Variants in TBCK observed in about 807,000 individuals in gnomAD.
TBCK encodes TBC domain-containing protein kinase-like protein.
A neutral mutation model predicts 113.4 loss-of-function variants in TBCK; 99 were observed. The ratio of observed to expected loss-of-function variants is 0.87; its 90% CI spans 0.74 to 1.03. The LOEUF is 1.03. Among genes scored for constraint, TBCK ranks in the 50% least tolerant of loss-of-function variants. The pLI is 0.00. For missense variants in TBCK, 1,045 were observed against 1,061.3 expected (o/e 0.98, Z 0.21); for synonymous variants, 369 against 370.8 (o/e 1.00, Z 0.05).
chr4:106,266,271 ATG>A (rs1762984177), intron 3 of TBCK, among the ~76,000 whole-genome samples: 1 of 151,824 alleles, frequency 6.6e-6, no homozygotes, highest in African/African-American at 2.4e-5. Flanking sequence ...ACCTAGTTTT[ATG>A]AACTCATTTG....
chr4:106,064,676 T>C (rs1301992360), intron 25 of TBCK, among the ~76,000 whole-genome samples: 1 of 151,992 alleles, frequency 6.6e-6, no homozygotes, highest in Non-Finnish European at 1.5e-5. Context: ...ATTATCTAGA[T>C]ATAGTTAATA....
chr4:106,237,535 G>T (rs1311698989), intron 12 of TBCK: 1 of 455,722 alleles, frequency 2.2e-6, no homozygotes. Context: ...CAGAATGTCT[G>T]CTCCTATGGG....
chr4:106,046,540 C>CTAAG lies in TBCK; in HGVS notation c.*26_*29dup. On this transcript the variant is annotated 3_prime_UTR_variant, in exon 26 of 26. Transcript: ENST00000394708. ...CTGTGCTGTTGGTGCTGATGCCACA[C>CTAAG]TAAGTTTTGGCAGTCACACTCTTGG... The CTAAG allele has an allele frequency of 2.4e-6, 3 of 1,257,440 alleles. No individual in the cohort carries two copies. Among genetic ancestry groups the CTAAG allele is most frequent in the Non-Finnish European group, 3.5e-6 (3 of 857,354 alleles). The allele number at this position is 1,257,440 out of a possible 1,614,324, so 77.9% of individuals were successfully genotyped here. A position where few individuals can be genotyped will look rare whatever the true frequency, so the allele number is the denominator to read the frequency against.
At chr4:106,249,387 A>G (rs192663704) in intron 7 of TBCK, among the ~76,000 whole-genome samples, 84 of 152,252 alleles carry the variant, frequency 5.5e-4, no homozygotes, top group Middle Eastern at 3.4e-3. Context: ...AAAATACAGT[A>G]TTTGTGGATG....
chr4:106,082,907 A>G (rs894710550), intron 25 of TBCK, among the ~76,000 whole-genome samples: 1 of 152,230 alleles, frequency 6.6e-6, no homozygotes, highest in Non-Finnish European at 1.5e-5. Context: ...GAGTGAGCAC[A>G]CTACCCAGCC....
intron 20 of TBCK, 107 bp from the exon 21 acceptor site, chr4:106,194,861 T>C: frequency 2.9e-6 from 3 of 1,029,844 alleles, no homozygotes; most frequent in South Asian, 1.6e-5. Context: ...TATGTTTTGG[T>C]CTACTTTATT....
At position 106,272,574 on chromosome 4, in the gene TBCK, C is replaced by T. The variant is rs1450723841; in HGVS notation, c.267-10362G>A. The stretch of plus-strand genomic sequence containing the variant: ...AGGTGCGATCTTGGCTCACTGCAAG[C>T]TCCGTCTCCCAGGTTCATGCCATTC... On this transcript the variant is annotated intron_variant, in intron 3 of 25. Transcript: ENST00000394708. 3.3e-5 allele frequency among the ~76,000 whole-genome samples: 5 copies of T among 149,592 alleles called. No homozygotes were observed. The East Asian group carries it at 9.9e-4, about 30-fold the overall frequency.
intron 18 of TBCK, among the ~76,000 whole-genome samples, chr4:106,231,144 T>G (rs1183997227): frequency 6.6e-6 from 1 of 151,614 alleles, no homozygotes; most frequent in African/African-American, 2.4e-5. Flanking sequence ...ACTCTATATG[T>G]GATTTCAGGG....
chr4:106,179,930 G>C (rs1161243029), intron 22 of TBCK, among the ~76,000 whole-genome samples: 3 of 151,360 alleles, frequency 2.0e-5, no homozygotes, highest in Non-Finnish European at 4.4e-5. Context: ...GAGTTGGTTG[G>C]GTGTATATAT....
intron 22 of TBCK, among the ~76,000 whole-genome samples, chr4:106,190,801 C>T (rs1310927798): frequency 9.2e-5 from 14 of 151,966 alleles, no homozygotes; most frequent in Non-Finnish European, 1.5e-5. Flanking sequence ...AGTGCAGAGG[C>T]GCCATGTCGG....
At chr4:106,214,881 C>T (rs13121001) in intron 19 of TBCK, among the ~76,000 whole-genome samples, 90,435 of 151,582 alleles carry the variant, frequency 0.6, 27,267 homozygotes, top group Non-Finnish European at 0.64. Flanking sequence ...AAAGATACTC[C>T]TTGAGAAGAG....
chr4:106,164,193 G>A (rs1750109596), intron 23 of TBCK, among the ~76,000 whole-genome samples: 1 of 151,946 alleles, frequency 6.6e-6, no homozygotes, highest in Non-Finnish European at 1.5e-5. Flanking sequence ...CTCTAAAATT[G>A]CCTACAGAAC....
chr4:106,064,539 T>C (rs1387764779), intron 25 of TBCK, among the ~76,000 whole-genome samples: 1 of 151,862 alleles, frequency 6.6e-6, no homozygotes, highest in Admixed American at 6.6e-5. Flanking sequence ...ATGAACTGTC[T>C]CTAATATTTT....
chr4:106,165,248 C>A (rs528106743), intron 23 of TBCK, among the ~76,000 whole-genome samples: 73 of 151,816 alleles, frequency 4.8e-4, no homozygotes, highest in Non-Finnish European at 6.9e-4. Flanking sequence ...AATTAATAAA[C>A]TTCAGTCAGA....
At chr4:106,309,304 TC>T (rs1767909871) in intron 1 of TBCK, among the ~76,000 whole-genome samples, 8 of 134,090 alleles carry the variant, frequency 6.0e-5, no homozygotes, top group Non-Finnish European at 1.1e-4. Flanking sequence ...AAGGCTCTTC[TC>T]TTTTTTTTTT....
At chr4:106,050,556 C>A (rs996245774) in intron 25 of TBCK, among the ~76,000 whole-genome samples, 2 of 152,044 alleles carry the variant, frequency 1.3e-5, no homozygotes, top group African/African-American at 2.4e-5. Context: ...AAATCTCTAA[C>A]TCTTTCTAAA....
chr4:106,125,488 G>A (rs568111315), intron 23 of TBCK, among the ~76,000 whole-genome samples: 4 of 152,034 alleles, frequency 2.6e-5, no homozygotes, highest in South Asian at 4.2e-4. Context: ...ATAACAGATC[G>A]AAACTCCATC....
In TBCK at chr4:106,043,557, A is replaced by G. The variant is rs1318219030; in HGVS notation, c.*3013T>C. 2 of 152,198 alleles carry G rather than the reference A, an allele frequency of 1.3e-5. No homozygotes were observed. Among genetic ancestry groups the G allele is most frequent in the Admixed American group, 6.5e-5 (1 of 15,278 alleles). The allele number at this position is 152,198 out of a possible 1,614,324, so 9.4% of individuals were successfully genotyped here. A position where few individuals can be genotyped will look rare whatever the true frequency, so the allele number is the denominator to read the frequency against. ...TAAGCAGCTCATATTTTAATAGGGGACTAAATGTAAACAAACGATTGCAAA... is the reference window on the plus strand; with the variant it reads ...TAAGCAGCTCATATTTTAATAGGGGGCTAAATGTAAACAAACGATTGCAAA... On this transcript the variant is annotated 3_prime_UTR_variant, in exon 26 of 26. Coordinates refer to ENST00000394708, the MANE Select transcript of TBCK (RefSeq NM_001163435.3).
intron 22 of TBCK, among the ~76,000 whole-genome samples, chr4:106,193,109 A>AGTT (rs1753832712): frequency 1.3e-5 from 2 of 152,178 alleles, no homozygotes; most frequent in Non-Finnish European, 2.9e-5. Context: ...AGCTTAACAT[A>AGTT]TTCTCCTGCA....
Sources: allele counts gnomAD v4.1 joint callset (sites outside exome capture counted in the v4.1 genomes callset), GRCh38; gene constraint gnomAD v4.1.1; transcripts MANE v1.5; gene names NCBI Gene and HGNC (gene_info 2026-07-23, HGNC 2026-07-21).